MED16: variants seen among roughly 807,000 people sequenced by gnomAD.
MED16 encodes the protein mediator complex subunit 16, also known as mediator of RNA polymerase II transcription subunit 16.
MED16 carries 81 observed loss-of-function variants against 84.4 expected under a neutral mutation model. That is an observed-to-expected ratio of 0.96 (90% CI 0.80 to 1.15). The LOEUF (loss-of-function observed/expected upper bound fraction) is 1.15. Ranked by LOEUF, MED16 falls within the 50% of genes most tolerant of loss-of-function variation. The probability of loss-of-function intolerance (pLI) is 0.00; values close to 1 mark genes in which losing one functional copy is unlikely to be tolerated. For synonymous variants in MED16, 897 were observed against 552.2 expected, an observed-to-expected ratio of 1.62 and a Z score of -8.76; for missense variants, 1,585 against 1,245.9, an observed-to-expected ratio of 1.27 and a Z score of -4.10.
intron 10 of MED16, among the ~76,000 whole-genome samples, chr19:873,959 C>A (rs1242706666): frequency 2.0e-5 from 3 of 152,186 alleles, no homozygotes; most frequent in Admixed American, 2.0e-4. Context: ...GCAGCCACCC[C>A]CGGCTGGCAG....
chr19:877,563 A>G (rs2036279807), intron 8 of MED16, among the ~76,000 whole-genome samples: 1 of 91,318 alleles, frequency 1.1e-5, no homozygotes, highest in African/African-American at 4.8e-5. Flanking sequence ...TCACACAGAC[A>G]AGGCAGCGCA....
intron 11 of MED16, 146 bp from the exon 12 acceptor site, chr19:872,264 G>T (rs1352418117): frequency 1.5e-6 from 1 of 647,948 alleles, no homozygotes; most frequent in Non-Finnish European, 2.6e-6. Flanking sequence ...GGTGCTTCTG[G>T]CACCGAGTGG....
At chr19:872,222 G>C (rs1048086475) in intron 11 of MED16, 104 bp from the exon 12 acceptor site, 3 of 941,880 alleles carry the variant, frequency 3.2e-6, no homozygotes, top group African/African-American at 1.7e-5. Context: ...GCAATGGGCA[G>C]GGTCTGGGAC....
At position 871,131 on chromosome 19, in the gene MED16, G is replaced by A. The variant is rs377113997; in HGVS notation, c.2221C>T (p.Arg741Cys). ...CGAAGGGGCTGCTTGGGCTGCAGGCGGCTAACCAGGCCGTCGCTGGCTGGC... is the reference window on the plus strand; with the variant it reads ...CGAAGGGGCTGCTTGGGCTGCAGGCAGCTAACCAGGCCGTCGCTGGCTGGC... The part of the protein sequence containing the change: ...WLPASDGLVS[R>C]LQPKQPLRLQ... Residue 741 changes from arginine (R) to cysteine (C), a missense_variant, in exon 13 of 16, where the codon CGC becomes TGC. Coordinates refer to ENST00000325464, the MANE Select transcript of MED16 (RefSeq NM_005481.3). The A allele has an allele frequency of 6.3e-5, 98 of 1,548,514 alleles. No homozygotes were observed. The highest frequency in any genetic ancestry group is 1.7e-4 in the Middle Eastern group (1 of 5,908).
chr19:870,939 G>A (rs1287648812), intron 13 of MED16, 98 bp downstream of exon 13: 13 of 1,251,326 alleles, frequency 1.0e-5, no homozygotes, highest in African/African-American at 6.0e-5. Context: ...ACCTGGGGCA[G>A]GACATGCAGG....
chr19:883,156 G>A (rs2036454365), intron 6 of MED16, among the ~76,000 whole-genome samples: 1 of 152,244 alleles, frequency 6.6e-6, no homozygotes, highest in Admixed American at 6.5e-5. Context: ...GGGGGGACTT[G>A]AGGCAGGGAG....
intron 1 of MED16, chr19:892,293 CT>C (rs889768429): frequency 1.3e-5 from 2 of 159,204 alleles, no homozygotes; most frequent in Middle Eastern, 3.0e-3. Context: ...AGCCCCACCC[CT>C]GACCCCCTTT....
intron 6 of MED16, among the ~76,000 whole-genome samples, chr19:882,737 G>A (rs1010038207): frequency 4.6e-5 from 7 of 152,238 alleles, no homozygotes; most frequent in African/African-American, 9.6e-5. Flanking sequence ...CAGGGCTGCT[G>A]GCCTGAGCTG....
rs772090360 is a variant in MED16 at position 889,779 on chromosome 19, G to T, written c.306C>A (p.Asp102Glu). 1 of 1,612,614 alleles carries T rather than the reference G, an allele frequency of 6.2e-7. No individual in the cohort carries two copies. The highest frequency in any genetic ancestry group is 8.5e-7 in the Non-Finnish European group (1 of 1,179,552). Residue 102 changes from aspartate (D) to glutamate (E), a missense_variant, in exon 4 of 16, where the codon GAC becomes GAA. Coordinates refer to ENST00000325464, the MANE Select transcript of MED16 (RefSeq NM_005481.3). ...SGSRLLSADA[D>E]GQIKCWSMAD... Reference sequence around the variant, plus strand: ...CCATGCTCCAGCACTTGATCTGCCCGTCGGCATCTGCTGACAGGAGCCGGG... The same window carrying T: ...CCATGCTCCAGCACTTGATCTGCCCTTCGGCATCTGCTGACAGGAGCCGGG...
intron 1 of MED16, 92 bp from the exon 2 acceptor site, chr19:891,241 C>T: frequency 1.5e-6 from 2 of 1,294,642 alleles, no homozygotes; most frequent in Admixed American, 4.4e-5. Flanking sequence ...CAATGGAGGC[C>T]CGTGGTAGAG....
intron 1 of MED16, among the ~76,000 whole-genome samples, chr19:891,840 G>C (rs1211938101): frequency 8.5e-6 from 1 of 117,218 alleles, no homozygotes; most frequent in Non-Finnish European, 1.8e-5. Flanking sequence ...TGTGGCCGAG[G>C]CGGGGCTGAG....
In MED16 at chr19:885,810, A is replaced by G; in HGVS notation, c.839T>C (p.Ile280Thr). Residue 280 changes from isoleucine (I) to threonine (T), a missense_variant, in exon 5 of 16, where the codon ATC becomes ACC. By Grantham distance (89) the Ile-to-Thr change is moderately conservative (BLOSUM62 -1). Coordinates refer to ENST00000325464, the MANE Select transcript of MED16 (RefSeq NM_005481.3). ...DLNRKDKFPA[I>T]THLKFLARDM... ...CCGGGCCAGGAACTTGAGGTGGGTG[A>G]TGGCGGGAAACTTGTCCTTGCGGTT... is the stretch of plus-strand genomic sequence containing the variant. The G allele has an allele frequency of 1.9e-6, 3 of 1,612,740 alleles. No individual in the cohort carries two copies. The highest frequency in any genetic ancestry group is 2.5e-6 in the Non-Finnish European group (3 of 1,179,914).
intron 1 of MED16, chr19:892,564 C>T (rs1310931010): frequency 6.6e-6 from 1 of 151,216 alleles, no homozygotes; most frequent in East Asian, 2.0e-4. Context: ...CTATAACCCC[C>T]AATCTCCAGG....
At chr19:889,355 AACTC>A (rs143373467) in intron 4 of MED16, among the ~76,000 whole-genome samples, 2,755 of 152,250 alleles carry the variant, frequency 0.018, 90 homozygotes, top group African/African-American at 0.064. Flanking sequence ...TGAAAGAGAT[AACTC>A]ACTAAGAACG....
At chr19:869,571 G>C (rs1415722644) in intron 13 of MED16, among the ~76,000 whole-genome samples, 1 of 152,138 alleles carries the variant, frequency 6.6e-6, no homozygotes, top group African/African-American at 2.4e-5. Flanking sequence ...TGACTCATTA[G>C]GAGGCCCCTC....
At chr19:870,240 T>C (rs1350012415) in intron 13 of MED16, among the ~76,000 whole-genome samples, 1 of 152,072 alleles carries the variant, frequency 6.6e-6, no homozygotes, top group Admixed American at 6.6e-5. Context: ...GGGCGCCCTG[T>C]ACAGCGAGGC....
chr19:887,217 G>A (rs1435044761), intron 4 of MED16, among the ~76,000 whole-genome samples: 2 of 152,124 alleles, frequency 1.3e-5, no homozygotes, highest in Non-Finnish European at 2.9e-5. Flanking sequence ...GCAAGAAGCA[G>A]GTCCAGAAGT....
intron 4 of MED16, among the ~76,000 whole-genome samples, chr19:888,205 A>G (rs187058619): frequency 2.3e-3 from 345 of 151,198 alleles, no homozygotes; most frequent in Non-Finnish European, 4.0e-3. Flanking sequence ...CCCTGTCTCA[A>G]AAAACAAACA....
chr19:877,349 G>C (rs2036274260), intron 8 of MED16, among the ~76,000 whole-genome samples, 169 bp from the exon 9 acceptor site: 5 of 152,162 alleles, frequency 3.3e-5, no homozygotes, highest in Admixed American at 2.6e-4. Flanking sequence ...CTTTCTGTCA[G>C]GGTCATGCAC....
Sources: gnomAD v4.1 joint callset for allele counts (sites outside exome capture counted in the v4.1 genomes callset) on GRCh38, gnomAD v4.1.1 for gene constraint, MANE v1.5 for transcripts, NCBI Gene and HGNC (gene_info 2026-07-23, HGNC 2026-07-21) for gene names.